Variants in SDCCAG8 observed in about 807,000 individuals in gnomAD.
SDCCAG8 encodes serologically defined colon cancer antigen 8.
A neutral mutation model predicts 101.8 loss-of-function variants in SDCCAG8; 74 were observed. The ratio of observed to expected loss-of-function variants is 0.73; its 90% CI spans 0.60 to 0.88. SDCCAG8 has a LOEUF of 0.88. Ranked by LOEUF, SDCCAG8 falls within the 40% of genes least tolerant of loss-of-function variation. SDCCAG8 has a pLI of 0.00. For synonymous variants in SDCCAG8, 281 were observed against 292.9 expected (o/e 0.96, Z 0.41); for missense variants, 787 against 822.6 (o/e 0.96, Z 0.53).
intron 15 of SDCCAG8, among the ~76,000 whole-genome samples, chr1:243,422,110 A>G (rs1157925017): frequency 6.6e-6 from 1 of 152,168 alleles, no homozygotes. Context: ...AACAGGATAG[A>G]GCATAGAACC....
At chr1:243,310,649 T>C (rs1181176118) in intron 8 of SDCCAG8, among the ~76,000 whole-genome samples, 1 of 152,166 alleles carries the variant, frequency 6.6e-6, no homozygotes, top group Non-Finnish European at 1.5e-5. Flanking sequence ...TTGTTTCTAT[T>C]AAAAAATAAA....
rs2148047750 is a variant in SDCCAG8 at position 243,427,923 on chromosome 1, A to G, written c.1985+1365A>G. Among the ~76,000 whole-genome samples the G allele has an allele frequency of 2.0e-5, 3 of 152,330 alleles. 1 individual carries two copies. The South Asian group carries it at 6.2e-4, about 32-fold the overall frequency. ...AAATATTTCGGACTTTGCAGGCCAC[A>G]CGTGGTCTCCGTGGCATAGTCTTCC... On this transcript the variant is annotated intron_variant, in intron 16 of 17. Coordinates refer to ENST00000366541, the MANE Select transcript of SDCCAG8 (RefSeq NM_006642.5).
chr1:243,471,309 G>A (rs181885615), intron 16 of SDCCAG8, among the ~76,000 whole-genome samples: 1 of 152,202 alleles, frequency 6.6e-6, no homozygotes, highest in South Asian at 2.1e-4. Context: ...CTGCTGGAGA[G>A]GCAATTGGCC....
At chr1:243,417,135 T>G (rs1220401743) in intron 14 of SDCCAG8, among the ~76,000 whole-genome samples, 4 of 152,212 alleles carry the variant, frequency 2.6e-5, no homozygotes, top group Admixed American at 2.6e-4. Context: ...CAGTAGAGAT[T>G]TTCTTCCAAC....
At chr1:243,313,078 G>C (rs1169389250) in intron 8 of SDCCAG8, among the ~76,000 whole-genome samples, 2 of 152,166 alleles carry the variant, frequency 1.3e-5, no homozygotes, top group Admixed American at 6.5e-5. Flanking sequence ...AAAGAGAAAA[G>C]ATTCCAAGGG....
chr1:243,332,708 G>T (rs950075518), intron 10 of SDCCAG8, among the ~76,000 whole-genome samples: 1 of 151,866 alleles, frequency 6.6e-6, no homozygotes, highest in Admixed American at 6.6e-5. Context: ...GATTTTCGCG[G>T]TCCAGGTCTG....
intron 16 of SDCCAG8, among the ~76,000 whole-genome samples, chr1:243,454,417 C>T (rs2083582653): frequency 6.6e-6 from 1 of 152,088 alleles, no homozygotes; most frequent in South Asian, 2.1e-4. Flanking sequence ...AGGCCTGGTT[C>T]GCTCACGTTT....
intron 16 of SDCCAG8, among the ~76,000 whole-genome samples, chr1:243,450,261 T>A (rs1276435423): frequency 6.6e-6 from 1 of 152,190 alleles, no homozygotes; most frequent in Non-Finnish European, 1.5e-5. Context: ...ACTGACATTG[T>A]TTTCATTTAA....
intron 7 of SDCCAG8, chr1:243,305,731 A>G (rs1397592468): frequency 2.6e-5 from 4 of 152,172 alleles, no homozygotes; most frequent in Non-Finnish European, 4.4e-5. Flanking sequence ...TAATAAGTCC[A>G]ATTTGAAATT....
At chr1:243,479,413 G>A (rs760220039) in intron 16 of SDCCAG8, among the ~76,000 whole-genome samples, 9 of 152,190 alleles carry the variant, frequency 5.9e-5, no homozygotes, top group East Asian at 1.9e-4. Flanking sequence ...CTACTCGGCC[G>A]TTATGGTGCA....
rs1196511702 is a variant in SDCCAG8 at position 243,307,702 on chromosome 1, T to C, written c.741-287T>C. 36 of 1,324,936 alleles carry C rather than the reference T, an allele frequency of 2.7e-5. No homozygotes were observed. The East Asian group carries it at 6.5e-4, about 24-fold the overall frequency. The allele number at this position is 1,324,936 out of a possible 1,614,324, so 82.1% of individuals were successfully genotyped here. ...TATAACATTAATGGAGGTTGGATCC[T>C]GGGACAAGAGAGCCAGTGTCAGGCG... On this transcript the variant is annotated intron_variant, in intron 7 of 17. Coordinates refer to ENST00000366541, the MANE Select transcript of SDCCAG8 (RefSeq NM_006642.5).
chr1:243,397,851 T>C (rs1372904503), intron 13 of SDCCAG8, among the ~76,000 whole-genome samples: 1 of 152,216 alleles, frequency 6.6e-6, no homozygotes, highest in African/African-American at 2.4e-5. Context: ...AAATGAGGAC[T>C]TTCTTGTTTT....
At chr1:243,276,139 G>A (rs986697667) in intron 4 of SDCCAG8, among the ~76,000 whole-genome samples, 8 of 152,044 alleles carry the variant, frequency 5.3e-5, no homozygotes, top group Admixed American at 2.6e-4. Context: ...TGGAATTACC[G>A]GTATGAGCCA....
At chr1:243,283,409 AT>A (rs2069255241) in intron 4 of SDCCAG8, among the ~76,000 whole-genome samples, 2 of 147,844 alleles carry the variant, frequency 1.4e-5, no homozygotes, top group Non-Finnish European at 3.0e-5. Context: ...ATTTATATAT[AT>A]ATATATACAT....
chr1:243,383,749 G>A (rs1342290257), intron 13 of SDCCAG8, among the ~76,000 whole-genome samples: 5 of 152,088 alleles, frequency 3.3e-5, no homozygotes, highest in Non-Finnish European at 7.4e-5. Context: ...CACTCTATTA[G>A]AGAAAGGCAA....
chr1:243,328,029 A>T (rs1233238365), intron 9 of SDCCAG8, among the ~76,000 whole-genome samples: 2 of 151,708 alleles, frequency 1.3e-5, no homozygotes, highest in Admixed American at 6.6e-5. Context: ...CAGCCTCCTG[A>T]GTAGCTGGGA....
intron 13 of SDCCAG8, among the ~76,000 whole-genome samples, chr1:243,387,122 C>T (rs1226483753): frequency 1.3e-5 from 2 of 152,196 alleles, no homozygotes; most frequent in Non-Finnish European, 2.9e-5. Context: ...GCTCATATGA[C>T]TACCATTTAT....
chr1:243,384,679 A>G lies in SDCCAG8; in HGVS notation c.1616+5816A>G, dbSNP rs181054031. ...CAGTGGAAGCCATGTACTGTGGTGC[A>G]CACCTGCAGTCCCAGAAACTTGGGA... On this transcript the variant is annotated intron_variant, in intron 13 of 17. Transcript: ENST00000366541. 3.1e-3 allele frequency among the ~76,000 whole-genome samples: 475 copies of G among 152,090 alleles called. 1 individual carries two copies. Among genetic ancestry groups the G allele is most frequent in the African/African-American group, 0.011 (473 of 41,488 alleles).
At chr1:243,353,584 G>A (rs983183808) in intron 12 of SDCCAG8, among the ~76,000 whole-genome samples, 22 of 146,204 alleles carry the variant, frequency 1.5e-4, no homozygotes, top group African/African-American at 5.5e-4. Context: ...CAACATGGCA[G>A]CTTGAGCAAA....
Sources: allele counts gnomAD v4.1 joint callset (sites outside exome capture counted in the v4.1 genomes callset), GRCh38; gene constraint gnomAD v4.1.1; transcripts MANE v1.5; gene names NCBI Gene and HGNC (gene_info 2026-07-23, HGNC 2026-07-21).